Variants in PBRM1 observed in about 807,000 individuals in gnomAD.
PBRM1 encodes polybromo 1, also known as protein polybromo-1.
PBRM1 carries 27 observed loss-of-function variants against 194.5 expected under a neutral mutation model. That is an observed-to-expected ratio of 0.14 (90% CI 0.10 to 0.19). The LOEUF (loss-of-function observed/expected upper bound fraction) is 0.19. PBRM1 is among the 10% of genes least tolerant of loss of function. The pLI, the probability that PBRM1 is intolerant of heterozygous loss-of-function variation, is 1.00. For missense variants in PBRM1, 1,466 were observed against 2,077.2 expected, an observed-to-expected ratio of 0.71 and a Z score of 5.72; for synonymous variants, 655 against 693.2, an observed-to-expected ratio of 0.94 and a Z score of 0.87.
intron 27 of PBRM1, among the ~76,000 whole-genome samples, chr3:52,551,174 G>A (rs1444891771): frequency 6.6e-6 from 1 of 152,210 alleles, no homozygotes; most frequent in Non-Finnish European, 1.5e-5. Context: ...ACTGAAGCCT[G>A]TATTTAATTT....
exon 5 of PBRM1, chr3:52,658,260 A>G: frequency 6.2e-7 from 1 of 1,613,288 alleles, no homozygotes. Flanking sequence ...ATTTGTAGCT[A>G]CAACTATGGC....
chr3:52,638,091 T>A (rs900978495), intron 10 of PBRM1, among the ~76,000 whole-genome samples: 9 of 152,232 alleles, frequency 5.9e-5, no homozygotes, highest in African/African-American at 2.2e-4. Context: ...TTTACTCTTA[T>A]AATTTGTTAC....
At chr3:52,554,976 G>T in intron 26 of PBRM1, 97 bp from the exon 29 acceptor site, 1 of 926,636 alleles carries the variant, frequency 1.1e-6, no homozygotes, top group Non-Finnish European at 1.7e-6. Context: ...AATGAATAAA[G>T]CACCCTTAGT....
At chr3:52,637,378 C>A (rs952180534) in intron 10 of PBRM1, among the ~76,000 whole-genome samples, 4 of 152,002 alleles carry the variant, frequency 2.6e-5, no homozygotes, top group African/African-American at 7.2e-5. Context: ...ACACATGTAA[C>A]CCCAACAATT....
At chr3:52,550,395 A>G (rs560406773) in intron 29 of PBRM1, 26 bp downstream of exon 31, 5 of 1,277,026 alleles carry the variant, frequency 3.9e-6, no homozygotes, top group Non-Finnish European at 4.1e-6. Flanking sequence ...TGTATTTCAC[A>G]AAGGCTTATT....
chr3:52,606,563 T>C (rs1156666986), intron 16 of PBRM1, among the ~76,000 whole-genome samples: 1 of 152,226 alleles, frequency 6.6e-6, no homozygotes, highest in East Asian at 1.9e-4. Flanking sequence ...ACACCTAGTA[T>C]ATGCTTTTGT....
chr3:52,654,345 C>T (rs1243147465), intron 5 of PBRM1, among the ~76,000 whole-genome samples: 4 of 152,176 alleles, frequency 2.6e-5, no homozygotes, highest in Non-Finnish European at 5.9e-5. Flanking sequence ...CATTGCTGCC[C>T]CTTCTCTTCA....
At chr3:52,548,669 G>A (rs1359147170) in intron 29 of PBRM1, among the ~76,000 whole-genome samples, 1 of 152,094 alleles carries the variant, frequency 6.6e-6, no homozygotes, top group Non-Finnish European at 1.5e-5. Context: ...CAGGTGATCT[G>A]CCTACCTTGG....
At position 52,612,280 on chromosome 3, in the gene PBRM1, AAAG is replaced by A. The variant is rs2094675019; in HGVS notation, c.1925-2328_1925-2326del. On this transcript the variant is annotated intron_variant, in intron 15 of 29. Coordinates refer to ENST00000296302, the Ensembl canonical transcript of PBRM1. ...TCTCAAAAAAAAAAAAAAAAAAAAA[AAAG>A]AGGTATCAATCAGTTGCAGTATGTG... 4.0e-5 allele frequency among the ~76,000 whole-genome samples: 6 copies of A among 150,278 alleles called. No homozygotes were observed. In the South Asian group the frequency reaches 1.3e-3, roughly 32 times the overall value.
chr3:52,593,183 C>T (rs958825268), intron 17 of PBRM1, among the ~76,000 whole-genome samples: 1 of 152,054 alleles, frequency 6.6e-6, no homozygotes, highest in African/African-American at 2.4e-5. Flanking sequence ...TTTTTTTCTG[C>T]TAGCTTTGGG....
intron 11 of PBRM1, among the ~76,000 whole-genome samples, chr3:52,634,032 C>T (rs955193760): frequency 6.6e-6 from 1 of 152,122 alleles, no homozygotes; most frequent in African/African-American, 2.4e-5. Flanking sequence ...CTATGCTTAT[C>T]CTGGGGTTTC....
chr3:52,646,899 A>AGTGAACTTC (rs1475950439), intron 7 of PBRM1, among the ~76,000 whole-genome samples: 2 of 152,206 alleles, frequency 1.3e-5, no homozygotes, highest in Non-Finnish European at 2.9e-5. Flanking sequence ...CCAAAGAAAA[A>AGTGAACTTC]AATAGATAAA....
At chr3:52,624,221 T>C (rs1053529421) in intron 13 of PBRM1, among the ~76,000 whole-genome samples, 4 of 152,216 alleles carry the variant, frequency 2.6e-5, no homozygotes, top group African/African-American at 9.6e-5. Flanking sequence ...CCTTGGCCTA[T>C]ATGTTCCTGG....
chr3:52,572,055 C>T (rs147203634), intron 22 of PBRM1, among the ~76,000 whole-genome samples: 94 of 148,826 alleles, frequency 6.3e-4, no homozygotes, highest in African/African-American at 2.3e-3. Flanking sequence ...ACAAAAAAAA[C>T]TTCATATTTT....
chr3:52,618,196 G>C (rs990924406), intron 13 of PBRM1, among the ~76,000 whole-genome samples: 1 of 152,180 alleles, frequency 6.6e-6, no homozygotes, highest in Non-Finnish European at 1.5e-5. Flanking sequence ...GAGTTTTCTA[G>C]AGTAAAATTT....
intron 22 of PBRM1, among the ~76,000 whole-genome samples, chr3:52,570,159 T>C (rs548048477): frequency 6.6e-6 from 1 of 152,312 alleles, no homozygotes; most frequent in East Asian, 1.9e-4. Context: ...GTATTTTTAG[T>C]AGAGACAGAG....
exon 24 of PBRM1, chr3:52,563,343 T>C (rs756505028): frequency 1.2e-5 from 19 of 1,614,090 alleles, no homozygotes; most frequent in Non-Finnish European, 1.5e-5. Flanking sequence ...GAAGCTGAGG[T>C]AGAGAAGGAG....
At chr3:52,636,757 CAAAAAAAAAAAAAAAAA>C (rs567776784) in intron 10 of PBRM1, among the ~76,000 whole-genome samples, 4 of 18,672 alleles carry the variant, frequency 2.1e-4, no homozygotes, top group Non-Finnish European at 3.1e-4. Context: ...ACTCTGTCTC[CAAAAAAAAAAAAAAAAA>C]AAAAAAAAAA....
chr3:52,622,650 C>A (rs1423402364), intron 13 of PBRM1, among the ~76,000 whole-genome samples: 1 of 152,158 alleles, frequency 6.6e-6, no homozygotes, highest in Non-Finnish European at 1.5e-5. Context: ...CGGAACCCAA[C>A]CCAATCTGAA....
Sources: gnomAD v4.1 joint callset for allele counts (sites outside exome capture counted in the v4.1 genomes callset) on GRCh38, gnomAD v4.1.1 for gene constraint, MANE v1.5 for transcripts, NCBI Gene and HGNC (gene_info 2026-07-23, HGNC 2026-07-21) for gene names.